The following DOCK2 variants were observed in gnomAD, a reference collection of about 807,000 sequenced individuals.
The protein encoded by DOCK2 is dedicator of cytokinesis protein 2.
A neutral mutation model predicts 248.9 loss-of-function variants in DOCK2; 87 were observed. The observed-to-expected ratio is 0.35, with a 90% CI of 0.29 to 0.42. The LOEUF (loss-of-function observed/expected upper bound fraction) is 0.42, where lower values mean the gene tolerates loss of function less well. Ranked by LOEUF, DOCK2 falls within the 10% of genes least tolerant of loss-of-function variation. The probability of loss-of-function intolerance (pLI) is 1.00; values close to 1 mark genes in which losing one functional copy is unlikely to be tolerated. For missense variants in DOCK2, 1,747 were observed against 2,300.2 expected (o/e 0.76, Z 4.92); for synonymous variants, 805 against 821.6 (o/e 0.98, Z 0.35).
At chr5:169,794,790 G>C (rs377323187) in intron 25 of DOCK2, among the ~76,000 whole-genome samples, 2 of 152,312 alleles carry the variant, frequency 1.3e-5, no homozygotes, top group East Asian at 3.9e-4. Context: ...GGGTGTGGTG[G>C]CAGGCGCCTG....
intron 1 of DOCK2, among the ~76,000 whole-genome samples, chr5:169,653,233 C>T (rs1198927537): frequency 2.6e-5 from 4 of 152,184 alleles, no homozygotes; most frequent in African/African-American, 9.7e-5. Context: ...CACTGATAAG[C>T]CACTTCCAGA....
chr5:169,780,332 T>TGTGTGTGTGTGTGTGTGG (rs1233776112), intron 25 of DOCK2, among the ~76,000 whole-genome samples: 1 of 113,522 alleles, frequency 8.8e-6, no homozygotes, highest in African/African-American at 2.7e-5. Flanking sequence ...TGTGTGTGTG[T>TGTGTGTGTGTGTGTGTGG]GTGTGTGTTG....
intron 1 of DOCK2, among the ~76,000 whole-genome samples, chr5:169,645,186 A>G (rs1445416803): frequency 6.6e-6 from 1 of 152,152 alleles, no homozygotes; most frequent in Admixed American, 6.5e-5. Context: ...GCCAAATGGT[A>G]TTTCTCGTTC....
chr5:169,904,559 G>C (rs951086041), intron 27 of DOCK2, among the ~76,000 whole-genome samples: 2 of 152,110 alleles, frequency 1.3e-5, no homozygotes, highest in Admixed American at 1.3e-4. Flanking sequence ...GGCCTTTAGA[G>C]TGCTGGCGAC....
intron 24 of DOCK2, among the ~76,000 whole-genome samples, chr5:169,760,389 G>A (rs1581151724): frequency 6.6e-6 from 1 of 152,274 alleles, no homozygotes; most frequent in South Asian, 2.1e-4. Flanking sequence ...GTTATCATAT[G>A]CCCTTCACCC....
At chr5:170,007,932 T>C (rs2113809180) in intron 30 of DOCK2, among the ~76,000 whole-genome samples, 1 of 152,314 alleles carries the variant, frequency 6.6e-6, no homozygotes, top group Middle Eastern at 3.4e-3. Flanking sequence ...AGTTCCCAGG[T>C]GCTGCTGCTG....
intron 9 of DOCK2, among the ~76,000 whole-genome samples, chr5:169,689,980 G>A (rs1194865349): frequency 6.6e-6 from 1 of 152,028 alleles, no homozygotes; most frequent in Admixed American, 6.6e-5. Flanking sequence ...GAAAGAAGGA[G>A]ATAAGTAAAG....
rs779174136 is a variant in DOCK2 at position 169,717,501 on chromosome 5, A to G, written c.2132+17A>G. The G allele has an allele frequency of 7.4e-6, 12 of 1,611,052 alleles. No individual in the cohort carries two copies. The highest frequency in any genetic ancestry group is 4.5e-5 in the East Asian group (2 of 44,840). ...GGCTTACAAGTAAGTAATTGTGCAC[A>G]TGGGAACTTCTTCTCTACCACCCTC... On this transcript the variant is annotated intron_variant, in intron 21 of 51. Transcript: ENST00000520908.
chr5:169,750,291 T>C (rs898648264), intron 23 of DOCK2, among the ~76,000 whole-genome samples: 1 of 152,014 alleles, frequency 6.6e-6, no homozygotes, highest in Non-Finnish European at 1.5e-5. Context: ...AGAGAGACAG[T>C]AAGAAGGCAG....
chr5:169,708,155 T>C lies in DOCK2; in HGVS notation c.1384-14T>C. 1 of 1,613,170 alleles carries C rather than the reference T, an allele frequency of 6.2e-7. No homozygotes were observed. The highest frequency in any genetic ancestry group is 8.5e-7 in the Non-Finnish European group (1 of 1,179,644). On this transcript the variant is annotated splice_polypyrimidine_tract_variant and intron_variant, in intron 14 of 51. Coordinates refer to ENST00000520908, the MANE Select transcript of DOCK2 (RefSeq NM_004946.3). ...TCTGTAGTCTTTTCCCTCACTTTGT[T>C]TTTCTTGGGTCAGAATGCAATTTGC...
At chr5:169,995,339 G>C (rs980353494) in intron 29 of DOCK2, among the ~76,000 whole-genome samples, 2 of 152,160 alleles carry the variant, frequency 1.3e-5, no homozygotes, top group Non-Finnish European at 2.9e-5. Context: ...CATTTGAACA[G>C]TATTATTACT....
chr5:169,945,971 T>A (rs1391400147), intron 27 of DOCK2, among the ~76,000 whole-genome samples: 1 of 152,116 alleles, frequency 6.6e-6, no homozygotes, highest in Non-Finnish European at 1.5e-5. Context: ...CCAGGCAGGC[T>A]CCAGCCCTGG....
intron 27 of DOCK2, among the ~76,000 whole-genome samples, chr5:169,981,745 A>G (rs1020674495): frequency 6.6e-6 from 1 of 152,210 alleles, no homozygotes; most frequent in Admixed American, 6.5e-5. Flanking sequence ...CTATTTACTG[A>G]AGGCTCAGAT....
intron 26 of DOCK2, among the ~76,000 whole-genome samples, chr5:169,838,065 A>C (rs1028817240): frequency 2.0e-5 from 3 of 152,208 alleles, no homozygotes; most frequent in Non-Finnish European, 2.9e-5. Flanking sequence ...CAGAAAATAT[A>C]AGGGAGGGGG....
At chr5:170,033,417 G>A (rs545652583) in intron 34 of DOCK2, among the ~76,000 whole-genome samples, 1 of 152,120 alleles carries the variant, frequency 6.6e-6, no homozygotes, top group African/African-American at 2.4e-5. Flanking sequence ...AAAAATGGAG[G>A]CTTTTCTTTC....
chr5:169,863,860 A>G (rs1771362584), intron 27 of DOCK2, among the ~76,000 whole-genome samples: 1 of 151,944 alleles, frequency 6.6e-6, no homozygotes, highest in African/African-American at 2.4e-5. Flanking sequence ...ACCTCCCTCT[A>G]CCTTCCGGGT....
At chr5:169,682,301 C>A (rs990300295) in intron 7 of DOCK2, among the ~76,000 whole-genome samples, 2 of 152,252 alleles carry the variant, frequency 1.3e-5, no homozygotes, top group African/African-American at 4.8e-5. Context: ...TGAGCTGACA[C>A]CTGAATCATG....
chr5:169,672,481 T>C (rs1282281453), intron 5 of DOCK2, among the ~76,000 whole-genome samples: 1 of 152,220 alleles, frequency 6.6e-6, no homozygotes, highest in Non-Finnish European at 1.5e-5. Flanking sequence ...ACCTGTGTAA[T>C]ATTTACTTAA....
intron 23 of DOCK2, among the ~76,000 whole-genome samples, chr5:169,757,169 C>T (rs982820717): frequency 6.6e-6 from 1 of 152,114 alleles, no homozygotes; most frequent in African/African-American, 2.4e-5. Flanking sequence ...TTCCCACTGC[C>T]CTGTCCTCAT....
Sources: gnomAD v4.1 joint callset for allele counts (sites outside exome capture counted in the v4.1 genomes callset) on GRCh38, gnomAD v4.1.1 for gene constraint, MANE v1.5 for transcripts, NCBI Gene and HGNC (gene_info 2026-07-23, HGNC 2026-07-21) for gene names.